The following CDH4 variants were observed in gnomAD, a reference collection of about 807,000 sequenced individuals.
The protein encoded by CDH4 is cadherin 4.
Under a neutral mutation model 86.0 loss-of-function variants are expected in CDH4, and 33 were observed. That is an observed-to-expected ratio of 0.38 (90% CI 0.29 to 0.51). The LOEUF is 0.51. CDH4 is among the 20% of genes least tolerant of loss of function. The pLI is 0.86. For missense variants in CDH4, 1,114 were observed against 1,307.4 expected (o/e 0.85, Z 2.28); for synonymous variants, 555 against 549.4 (o/e 1.01, Z -0.14).
chr20:61,775,129 C>A (rs759857179), intron 4 of CDH4, among the ~76,000 whole-genome samples: 4 of 152,064 alleles, frequency 2.6e-5, no homozygotes, highest in Non-Finnish European at 4.4e-5. Flanking sequence ...GATTGTATAC[C>A]AAACCACAGT....
At chr20:61,504,192 C>T (rs965880010) in intron 2 of CDH4, among the ~76,000 whole-genome samples, 2 of 152,234 alleles carry the variant, frequency 1.3e-5, no homozygotes, top group Admixed American at 6.5e-5. Flanking sequence ...CCTGTTCCAA[C>T]GGGGCTGGCT....
intron 10 of CDH4, among the ~76,000 whole-genome samples, chr20:61,924,083 G>A (rs899547188): frequency 6.6e-6 from 1 of 150,984 alleles, no homozygotes; most frequent in Non-Finnish European, 1.5e-5. Flanking sequence ...TGTGAGTTGA[G>A]ACCACCCACT....
At chr20:61,863,726 C>T (rs1196661900) in intron 6 of CDH4, among the ~76,000 whole-genome samples, 2 of 152,180 alleles carry the variant, frequency 1.3e-5, no homozygotes, top group Non-Finnish European at 2.9e-5. Context: ...AGGGACAGAG[C>T]AGCTCTAGGT....
At chr20:61,895,947 C>T (rs1052953392) in intron 8 of CDH4, among the ~76,000 whole-genome samples, 5 of 152,174 alleles carry the variant, frequency 3.3e-5, no homozygotes, top group African/African-American at 9.7e-5. Context: ...CAGGCTGGGA[C>T]GTGCAGAGGG....
chr20:61,674,123 G>A lies in CDH4; in HGVS notation c.170-69440G>A, dbSNP rs149772690. Reference sequence around the variant, plus strand: ...AGCTTTCTTCTGCAGCCCAGAATCTGTTCAGCAAATACTCCCCAAGCCTGC... The same window carrying A: ...AGCTTTCTTCTGCAGCCCAGAATCTATTCAGCAAATACTCCCCAAGCCTGC... On this transcript the variant is annotated intron_variant, in intron 2 of 15. Coordinates refer to ENST00000614565, the MANE Select transcript of CDH4 (RefSeq NM_001794.5). Among the ~76,000 whole-genome samples the A allele has an allele frequency of 5.3e-3, 811 of 152,256 alleles. 6 individuals are homozygous for A. The highest frequency in any genetic ancestry group is 7.8e-3 in the Non-Finnish European group (533 of 68,024).
rs190664398 is a variant in CDH4 at position 61,709,301 on chromosome 20, G to T, written c.170-34262G>T. ...ATTTATTTATTTATTTTCTGAGAGCGTCTTGCTCTGTTGCCCAGGCTGTAG... is the reference window on the plus strand; with the variant it reads ...ATTTATTTATTTATTTTCTGAGAGCTTCTTGCTCTGTTGCCCAGGCTGTAG... On this transcript the variant is annotated intron_variant, in intron 2 of 15. Coordinates refer to ENST00000614565, the MANE Select transcript of CDH4 (RefSeq NM_001794.5). This position sits in a 1 kb window ranked among gnomAD's most constrained non-coding sequence, Gnocchi z 4.8. Among the ~76,000 whole-genome samples, 9 of 152,278 alleles carry T rather than the reference G, an allele frequency of 5.9e-5. No homozygotes were observed. In the East Asian group the frequency reaches 7.7e-4, roughly 13 times the overall value.
At chr20:61,432,666 G>A (rs565108960) in intron 2 of CDH4, among the ~76,000 whole-genome samples, 1 of 152,110 alleles carries the variant, frequency 6.6e-6, no homozygotes, top group East Asian at 1.9e-4. Flanking sequence ...TGTTTTCAAA[G>A]AGCAAAAGTT....
At chr20:61,621,445 C>T (rs1425440359) in intron 2 of CDH4, among the ~76,000 whole-genome samples, 4 of 152,214 alleles carry the variant, frequency 2.6e-5, no homozygotes, top group Non-Finnish European at 5.9e-5. Flanking sequence ...TCCATCTGTG[C>T]ATGAGCATGG....
intron 12 of CDH4, 21 bp downstream of exon 12, chr20:61,928,444 G>C: frequency 6.2e-7 from 1 of 1,605,676 alleles, no homozygotes; most frequent in Non-Finnish European, 8.5e-7. Context: ...CTTAGGCCAC[G>C]GGGAGGGTCA....
At chr20:61,585,996 GA>G (rs753739809) in intron 2 of CDH4, among the ~76,000 whole-genome samples, 12 of 53,020 alleles carry the variant, frequency 2.3e-4, no homozygotes, top group African/African-American at 4.4e-4. Flanking sequence ...TGGTGATGAT[GA>G]TGATGGTGAT....
In CDH4 at chr20:61,811,018, C is replaced by T. The variant is rs1422518617; in HGVS notation, c.577-33650C>T. ...GAATCAGTCAAACGAACTCATGGCT[C>T]TTCATCCCCTGCAAAACTAATGGCG... On this transcript the variant is annotated intron_variant, in intron 4 of 15. Transcript: ENST00000614565. This position sits in a 1 kb window ranked among gnomAD's most constrained non-coding sequence, Gnocchi z 4.4. Among the ~76,000 whole-genome samples the T allele has an allele frequency of 6.6e-6, 1 of 152,192 alleles. No individual in the cohort carries two copies. The highest frequency in any genetic ancestry group is 1.5e-5 in the Non-Finnish European group (1 of 68,046).
chr20:61,645,362 C>T (rs995646639), intron 2 of CDH4, among the ~76,000 whole-genome samples: 2 of 152,220 alleles, frequency 1.3e-5, no homozygotes, highest in Non-Finnish European at 2.9e-5. Flanking sequence ...TGCAGCTGCT[C>T]ACACCTATAA....
At chr20:61,720,808 C>T (rs575010226) in intron 2 of CDH4, among the ~76,000 whole-genome samples, 2 of 152,228 alleles carry the variant, frequency 1.3e-5, no homozygotes, top group South Asian at 2.1e-4. Flanking sequence ...CTCATTGTAC[C>T]ATCACATTGA....
At chr20:61,464,571 A>G (rs778285944) in intron 2 of CDH4, among the ~76,000 whole-genome samples, 14 of 152,228 alleles carry the variant, frequency 9.2e-5, no homozygotes, top group Non-Finnish European at 1.9e-4. Context: ...AGTGACTAAT[A>G]CTAGAGAAGG....
chr20:61,563,132 G>T (rs905078897), intron 2 of CDH4, among the ~76,000 whole-genome samples: 1 of 151,830 alleles, frequency 6.6e-6, no homozygotes, highest in Non-Finnish European at 1.5e-5. Context: ...CCAGAGTCCG[G>T]AACAACCTCT....
chr20:61,710,803 A>G (rs2087882038), intron 2 of CDH4, among the ~76,000 whole-genome samples: 1 of 152,236 alleles, frequency 6.6e-6, no homozygotes, highest in Admixed American at 6.5e-5. Flanking sequence ...CTGAGGCCCT[A>G]CATGCTCAGC....
At chr20:61,475,217 G>A (rs966472826) in intron 2 of CDH4, among the ~76,000 whole-genome samples, 6 of 152,008 alleles carry the variant, frequency 3.9e-5, no homozygotes, top group Non-Finnish European at 5.9e-5. Flanking sequence ...GAAATGTGGC[G>A]TCTGTTGACT....
intron 2 of CDH4, among the ~76,000 whole-genome samples, chr20:61,586,859 C>T (rs140408290): frequency 2.2e-4 from 33 of 152,234 alleles, no homozygotes; most frequent in African/African-American, 7.7e-4. Context: ...AAAAATAATC[C>T]ACTGAGGCAC....
At chr20:61,744,303 G>A (rs990598599) in intron 3 of CDH4, among the ~76,000 whole-genome samples, 6 of 151,706 alleles carry the variant, frequency 4.0e-5, no homozygotes, top group Non-Finnish European at 7.4e-5. Flanking sequence ...GAGAATGAGA[G>A]AGGGATGGGG....
Sources: gnomAD v4.1 joint callset for allele counts (sites outside exome capture counted in the v4.1 genomes callset) on GRCh38, gnomAD v4.1.1 for gene constraint, Gnocchi (gnomAD v3.1) non-coding constraint, MANE v1.5 for transcripts, NCBI Gene and HGNC (gene_info 2026-07-23, HGNC 2026-07-21) for gene names.